HIBCH: variants seen among roughly 807,000 people sequenced by gnomAD.
HIBCH encodes 3-hydroxyisobutyryl-CoA hydrolase, mitochondrial.
HIBCH carries 50 observed loss-of-function variants against 58.2 expected under a neutral mutation model. The ratio of observed to expected loss-of-function variants is 0.86; its 90% CI spans 0.68 to 1.09. The LOEUF is 1.09. Among genes scored for constraint, HIBCH ranks in the 50% least tolerant of loss-of-function variants. The probability of loss-of-function intolerance (pLI) is 0.00; values close to 1 mark genes in which losing one functional copy is unlikely to be tolerated. For missense variants in HIBCH, 450 were observed against 449.7 expected, an observed-to-expected ratio of 1.00 and a Z score of -0.01; for synonymous variants, 151 against 146.9, an observed-to-expected ratio of 1.03 and a Z score of -0.20.
At chr2:190,289,363 T>C (rs1461507650) in intron 5 of HIBCH, among the ~76,000 whole-genome samples, 1 of 152,182 alleles carries the variant, frequency 6.6e-6, no homozygotes, top group Non-Finnish European at 1.5e-5. Context: ...TTTTTCCAAC[T>C]ATATGTCAAA....
chr2:190,212,609 T>C (rs1326681585), intron 12 of HIBCH, among the ~76,000 whole-genome samples: 1 of 152,190 alleles, frequency 6.6e-6, no homozygotes, highest in Admixed American at 6.5e-5. Context: ...ATCCTCTTCA[T>C]TTTACCAATG....
chr2:190,288,656 A>AT (rs1276107901), intron 5 of HIBCH, among the ~76,000 whole-genome samples: 1 of 152,066 alleles, frequency 6.6e-6, no homozygotes, highest in Non-Finnish European at 1.5e-5. Context: ...GTAAGATAGT[A>AT]TTTATGTAAA....
At chr2:190,227,415 T>C (rs1261103423) in intron 11 of HIBCH, among the ~76,000 whole-genome samples, 3 of 152,052 alleles carry the variant, frequency 2.0e-5, no homozygotes, top group Non-Finnish European at 4.4e-5. Context: ...ATACAAAAAT[T>C]AATTCAAGAT....
downstream of HIBCH, chr2:190,202,057 T>C (rs573447083): frequency 1.2e-5 from 2 of 167,002 alleles, no homozygotes; most frequent in East Asian, 1.9e-4. Context: ...TCAGTATACA[T>C]AGGGACAGAC....
chr2:190,273,734 T>C (rs1687470125), intron 6 of HIBCH, among the ~76,000 whole-genome samples: 1 of 152,020 alleles, frequency 6.6e-6, no homozygotes, highest in South Asian at 2.1e-4. Context: ...ATTACATAGG[T>C]GGGTGGGAAG....
In HIBCH at chr2:190,197,460, G is replaced by A. The variant is rs748197155; in HGVS notation, c.*18-7463C>T. On this transcript the variant is annotated intron_variant, in intron 1 of 1. Transcript: ENST00000399855. This position sits in a 1 kb window ranked among gnomAD's most constrained non-coding sequence, Gnocchi z 4.0. ...CCTTATCCTGGACATGCACATCCCA[G>A]TACCCTTGCCAAGTCTCATGCAGAT... Among the ~76,000 whole-genome samples the A allele has an allele frequency of 2.0e-5, 3 of 152,140 alleles. No homozygotes were observed. Among genetic ancestry groups the A allele is most frequent in the Non-Finnish European group, 4.4e-5 (3 of 68,016 alleles).
At chr2:190,267,539 G>A (rs1327000260) in intron 6 of HIBCH, among the ~76,000 whole-genome samples, 1 of 152,060 alleles carries the variant, frequency 6.6e-6, no homozygotes, top group Admixed American at 6.6e-5. Context: ...CATACCAGTA[G>A]AGTTATTTCA....
rs534262425 is a variant in HIBCH, at chr2:190,293,497, T to A, written c.304+1049A>T. Among the ~76,000 whole-genome samples, 123 of 152,134 alleles carry A rather than the reference T, an allele frequency of 8.1e-4. No individual in the cohort carries two copies. In the Middle Eastern group the frequency reaches 0.014, roughly 17 times the overall value. Reference sequence around the variant, plus strand: ...ATAAATAAAATAATAAAAAAACGCATGTTGTAGGCAAAACAACAGATTCAA... The same window carrying A: ...ATAAATAAAATAATAAAAAAACGCAAGTTGTAGGCAAAACAACAGATTCAA... On this transcript the variant is annotated intron_variant, in intron 4 of 13. Coordinates refer to ENST00000359678, the MANE Select transcript of HIBCH (RefSeq NM_014362.4).
rs1031168171 is a variant in HIBCH at position 190,206,827 on chromosome 2, C to T, written c.1046-1595G>A. 3.9e-5 allele frequency among the ~76,000 whole-genome samples: 6 copies of T among 152,168 alleles called. No individual in the cohort carries two copies. The highest frequency in any genetic ancestry group is 1.4e-4 in the African/African-American group (6 of 41,448). Reference sequence around the variant, plus strand: ...AAGAGGCGGCAATATACTTTCTCTTCATTAAAAAGTAGCATAGGCCAGGCG... The same window carrying T: ...AAGAGGCGGCAATATACTTTCTCTTTATTAAAAAGTAGCATAGGCCAGGCG... On this transcript the variant is annotated intron_variant, in intron 13 of 13. Coordinates refer to ENST00000359678, the MANE Select transcript of HIBCH (RefSeq NM_014362.4). The surrounding 1 kb of genome is among the most constrained non-coding windows in gnomAD (Gnocchi z 5.1).
In HIBCH at chr2:190,316,424, G is replaced by A. The variant is rs764281986; in HGVS notation, c.35+3292C>T. On this transcript the variant is annotated intron_variant, in intron 1 of 13. Coordinates refer to ENST00000359678, the MANE Select transcript of HIBCH (RefSeq NM_014362.4). ...CAGACTTGAGTCACCATGCCCAGCC[G>A]AGCAGTTTTAAAACTACTAACATTA... 4.1e-4 allele frequency among the ~76,000 whole-genome samples: 63 copies of A among 152,094 alleles called. 1 individual carries two copies. Among genetic ancestry groups the A allele is most frequent in the Non-Finnish European group, 1.3e-4 (9 of 68,030 alleles).
chr2:190,317,370 A>C (rs1297305643), intron 1 of HIBCH, among the ~76,000 whole-genome samples: 3 of 152,230 alleles, frequency 2.0e-5, no homozygotes, highest in Non-Finnish European at 4.4e-5. Context: ...AGGGCCCTAC[A>C]TAAGGAACAG....
intron 11 of HIBCH, among the ~76,000 whole-genome samples, chr2:190,238,297 A>G (rs566272109): frequency 1.3e-5 from 2 of 152,284 alleles, no homozygotes; most frequent in African/African-American, 4.8e-5. Context: ...AACAGTGTAA[A>G]AGTGTACCTA....
chr2:190,312,505 T>C (rs1375924612), intron 1 of HIBCH, among the ~76,000 whole-genome samples: 1 of 152,200 alleles, frequency 6.6e-6, no homozygotes, highest in Non-Finnish European at 1.5e-5. Context: ...TTTTCAAGAA[T>C]ACTCTGAGAT....
chr2:190,226,819 C>T (rs1026085088), intron 11 of HIBCH, among the ~76,000 whole-genome samples: 1 of 152,084 alleles, frequency 6.6e-6, no homozygotes, highest in Non-Finnish European at 1.5e-5. Context: ...TGAGTGAACT[C>T]CCATTCACAA....
chr2:190,267,516 T>C (rs1687275169), intron 6 of HIBCH, among the ~76,000 whole-genome samples: 1 of 152,200 alleles, frequency 6.6e-6, no homozygotes, highest in Non-Finnish European at 1.5e-5. Flanking sequence ...CATTTTTAAA[T>C]GTTTGAAAAT....
chr2:190,265,814 G>A (rs1687217063), intron 6 of HIBCH, among the ~76,000 whole-genome samples: 1 of 152,014 alleles, frequency 6.6e-6, no homozygotes, highest in Non-Finnish European at 1.5e-5. Flanking sequence ...ACATCCTCTT[G>A]TAATCTTTTT....
intron 1 of HIBCH, among the ~76,000 whole-genome samples, chr2:190,312,518 T>C (rs1392483453): frequency 6.6e-6 from 1 of 152,228 alleles, no homozygotes; most frequent in South Asian, 2.1e-4. Flanking sequence ...TCTGAGATTA[T>C]ATGAAGACCA....
At chr2:190,208,397 A>C (rs1032588218) in intron 13 of HIBCH, among the ~76,000 whole-genome samples, 2 of 152,182 alleles carry the variant, frequency 1.3e-5, no homozygotes, top group Non-Finnish European at 1.5e-5. Context: ...TTACAAGCTC[A>C]ATGCTGCACT....
intron 2 of HIBCH, among the ~76,000 whole-genome samples, chr2:190,297,335 T>C (rs928336554): frequency 6.6e-6 from 1 of 152,232 alleles, no homozygotes; most frequent in Non-Finnish European, 1.5e-5. Context: ...ATTGTAGCTA[T>C]GGTCAACTTG....
Sources: allele counts gnomAD v4.1 joint callset (sites outside exome capture counted in the v4.1 genomes callset), GRCh38; gene constraint gnomAD v4.1.1; non-coding constraint Gnocchi (gnomAD v3.1); transcripts MANE v1.5; gene names NCBI Gene and HGNC (gene_info 2026-07-23, HGNC 2026-07-21).